The following ACBD6 variants were observed in gnomAD, a reference collection of about 807,000 sequenced individuals.
The protein encoded by ACBD6 is acyl-CoA-binding domain-containing protein 6.
Under a neutral mutation model 37.2 loss-of-function variants are expected in ACBD6, and 28 were observed. The observed-to-expected ratio is 0.75, with a 90% CI of 0.56 to 1.03. ACBD6 has a LOEUF of 1.03. ACBD6 is among the 50% of genes least tolerant of loss of function. The pLI, the probability that ACBD6 is intolerant of heterozygous loss-of-function variation, is 0.00. For missense variants in ACBD6, 340 were observed against 337.4 expected (o/e 1.01, Z -0.06); for synonymous variants, 113 against 126.8 (o/e 0.89, Z 0.73).
At chr1:180,323,616 T>C (rs1651156557) in intron 6 of ACBD6, among the ~76,000 whole-genome samples, 2 of 152,092 alleles carry the variant, frequency 1.3e-5, no homozygotes. Context: ...AATTATTATA[T>C]CCTTTTGCTG....
intron 3 of ACBD6, among the ~76,000 whole-genome samples, chr1:180,484,638 TAC>T: frequency 6.6e-6 from 1 of 152,230 alleles, no homozygotes. Context: ...ATATAGGATA[TAC>T]ACGTGTCAGA....
chr1:180,392,703 A>G (rs1654121358), intron 6 of ACBD6, among the ~76,000 whole-genome samples: 1 of 141,464 alleles, frequency 7.1e-6, no homozygotes, highest in African/African-American at 2.6e-5. Context: ...ACCCCTCCCC[A>G]CACAGATACA....
chr1:180,352,483 C>A (rs1293334897), intron 6 of ACBD6, among the ~76,000 whole-genome samples: 2 of 152,026 alleles, frequency 1.3e-5, no homozygotes, highest in African/African-American at 2.4e-5. Flanking sequence ...GCCTCCGCAC[C>A]CAGCCATATT....
intron 3 of ACBD6, among the ~76,000 whole-genome samples, chr1:180,469,907 T>C (rs1326403986): frequency 6.6e-6 from 1 of 152,218 alleles, no homozygotes; most frequent in Admixed American, 6.5e-5. Flanking sequence ...ATTTGTTTTC[T>C]ACATATATAA....
chr1:180,377,042 ATAGT>A (rs1207976929), intron 6 of ACBD6, among the ~76,000 whole-genome samples: 3 of 152,358 alleles, frequency 2.0e-5, no homozygotes, highest in African/African-American at 4.8e-5. Flanking sequence ...ATGTTTTAAC[ATAGT>A]TAGTAAATGT....
intron 1 of ACBD6, among the ~76,000 whole-genome samples, chr1:180,496,658 T>C (rs1651751447): frequency 6.6e-6 from 1 of 152,212 alleles, no homozygotes; most frequent in Non-Finnish European, 1.5e-5. Context: ...AATGATCTCA[T>C]CTACCTCTGA....
At chr1:180,337,114 A>G (rs1296409829) in intron 6 of ACBD6, among the ~76,000 whole-genome samples, 5 of 152,230 alleles carry the variant, frequency 3.3e-5, no homozygotes, top group African/African-American at 1.2e-4. Context: ...AAACTATTCC[A>G]ATTAATAGAA....
chr1:180,296,893 A>G (rs1309688648), intron 7 of ACBD6, among the ~76,000 whole-genome samples: 2 of 151,978 alleles, frequency 1.3e-5, no homozygotes, highest in Admixed American at 6.6e-5. Flanking sequence ...TCGGGAGGCC[A>G]AGGTGGGCAG....
chr1:180,413,788 A>G (rs887703358), intron 4 of ACBD6, among the ~76,000 whole-genome samples: 6 of 152,166 alleles, frequency 3.9e-5, no homozygotes, highest in Admixed American at 2.6e-4. Context: ...AAATTCAAAA[A>G]TCCTTTATAA....
intron 6 of ACBD6, among the ~76,000 whole-genome samples, chr1:180,320,396 G>C (rs1012194474): frequency 6.6e-6 from 1 of 152,196 alleles, no homozygotes; most frequent in African/African-American, 2.4e-5. Context: ...AGCACTTTGG[G>C]AGGCTGAGGC....
At chr1:180,297,351 C>A (rs1649958735) in intron 7 of ACBD6, among the ~76,000 whole-genome samples, 1 of 152,178 alleles carries the variant, frequency 6.6e-6, no homozygotes, top group Admixed American at 6.5e-5. Context: ...CATATAAACT[C>A]AGAGGTGCTT....
rs534077355 is a variant in ACBD6, at chr1:180,488,240, CA to C, written c.384+4028del. 3.5e-4 allele frequency among the ~76,000 whole-genome samples: 52 copies of C among 150,514 alleles called. 1 individual carries two copies. The East Asian group carries it at 9.7e-3, about 28-fold the overall frequency. ...ATTATTCGAAACTGTAAAAACAAAA[CA>C]AAAAAAAACTTATCCTCCCCCCAAA... On this transcript the variant is annotated intron_variant, in intron 3 of 7. Coordinates refer to ENST00000367595, the MANE Select transcript of ACBD6 (RefSeq NM_032360.4).
chr1:180,434,822 C>G, intron 3 of ACBD6: 1 of 728,178 alleles, frequency 1.4e-6, no homozygotes. Flanking sequence ...CCCACGAATG[C>G]CAATCTTGGC....
chr1:180,463,268 C>A (rs540324082), intron 3 of ACBD6, among the ~76,000 whole-genome samples: 7 of 151,842 alleles, frequency 4.6e-5, no homozygotes, highest in Admixed American at 3.9e-4. Context: ...TTCAAAAGAT[C>A]GATGAATCCA....
intron 7 of ACBD6, among the ~76,000 whole-genome samples, chr1:180,308,648 T>C (rs1650478673): frequency 6.6e-6 from 1 of 152,190 alleles, no homozygotes; most frequent in Admixed American, 6.5e-5. Context: ...ACGAAGGATA[T>C]AGCCTTTTGA....
At chr1:180,397,802 C>T (rs549649845) in intron 5 of ACBD6, among the ~76,000 whole-genome samples, 197 bp from the exon 6 acceptor site, 1 of 152,196 alleles carries the variant, frequency 6.6e-6, no homozygotes, top group Non-Finnish European at 1.5e-5. Flanking sequence ...CCTGTAATCC[C>T]AGCACTTTGA....
At chr1:180,275,025 A>G (rs1439490086) in exon 10 of ACBD6, 1 of 158,448 alleles carries the variant, frequency 6.3e-6, no homozygotes, top group Non-Finnish European at 1.4e-5. Flanking sequence ...ACAGCCCTTG[A>G]GTAAAATAAA....
chr1:180,429,664 C>G (rs898779329), intron 4 of ACBD6, among the ~76,000 whole-genome samples: 2 of 152,182 alleles, frequency 1.3e-5, no homozygotes, highest in South Asian at 4.1e-4. Flanking sequence ...AGGAAACTTC[C>G]GTTTTCCACA....
chr1:180,477,400 G>A (rs779380107), intron 3 of ACBD6, among the ~76,000 whole-genome samples: 27 of 152,078 alleles, frequency 1.8e-4, no homozygotes, highest in Non-Finnish European at 3.8e-4. Flanking sequence ...CCTAAATATT[G>A]CATAACTCTT....
Sources: gnomAD v4.1 joint callset for allele counts (sites outside exome capture counted in the v4.1 genomes callset) on GRCh38, gnomAD v4.1.1 for gene constraint, MANE v1.5 for transcripts, NCBI Gene and HGNC (gene_info 2026-07-23, HGNC 2026-07-21) for gene names.